The following GPHN variants were observed in gnomAD, a reference collection of about 807,000 sequenced individuals.
GPHN encodes gephyrin.
In GPHN, 17 loss-of-function variants were observed where a neutral mutation model predicts 95.5. The ratio of observed to expected loss-of-function variants is 0.18; its 90% CI spans 0.12 to 0.27. The LOEUF is 0.27. GPHN is among the 10% of genes least tolerant of loss of function. GPHN has a pLI of 1.00. For synonymous variants in GPHN, 320 were observed against 322.5 expected (o/e 0.99, Z 0.08); for missense variants, 660 against 978.1 (o/e 0.67, Z 4.34).
chr14:67,596,566 G>C, the GPHN span, among the ~76,000 whole-genome samples: 1 of 152,120 alleles, frequency 6.6e-6, no homozygotes, highest in African/African-American at 2.4e-5. Flanking sequence ...GCACTGACAA[G>C]ATGCCCTCCT....
At chr14:66,792,178 T>C (rs1280355225) in intron 3 of GPHN, among the ~76,000 whole-genome samples, 1 of 152,126 alleles carries the variant, frequency 6.6e-6, no homozygotes, top group Non-Finnish European at 1.5e-5. Context: ...TCAGTAAGAA[T>C]GTCGTAACTC....
the GPHN span, among the ~76,000 whole-genome samples, chr14:67,619,381 G>A: frequency 6.6e-6 from 1 of 152,172 alleles, no homozygotes; most frequent in Admixed American, 6.5e-5. Flanking sequence ...AAACGTGCCC[G>A]GCTCAGAGAG....
chr14:67,084,308 A>T (rs1320073515), intron 11 of GPHN, among the ~76,000 whole-genome samples: 1 of 152,226 alleles, frequency 6.6e-6, no homozygotes, highest in Non-Finnish European at 1.5e-5. Flanking sequence ...TAGTCTGCTT[A>T]AAAATCCCTT....
At chr14:67,552,766 CAAA>C in the GPHN span, among the ~76,000 whole-genome samples, 6 of 141,504 alleles carry the variant, frequency 4.2e-5, no homozygotes, top group Non-Finnish European at 7.6e-5. Context: ...GACTCTGTCT[CAAA>C]AAAAAAAAAC....
chr14:67,060,384 A>G (rs956050591), intron 11 of GPHN, among the ~76,000 whole-genome samples: 1 of 152,096 alleles, frequency 6.6e-6, no homozygotes, highest in South Asian at 2.1e-4. Context: ...AAGTGTTTCC[A>G]CCTATGATGA....
chr14:67,088,751 A>T (rs1014326943), intron 11 of GPHN, among the ~76,000 whole-genome samples: 8 of 152,218 alleles, frequency 5.3e-5, no homozygotes, highest in Non-Finnish European at 1.2e-4. Context: ...ATAGCACCTC[A>T]TATTCAGATA....
At chr14:67,254,117 T>C in the GPHN span, 2 of 148,184 alleles carry the variant, frequency 1.3e-5, no homozygotes, top group African/African-American at 5.0e-5. Flanking sequence ...ATTTACCAAA[T>C]AGCACTGTAT....
chr14:67,453,571 A>G, the GPHN span, among the ~76,000 whole-genome samples: 2 of 152,310 alleles, frequency 1.3e-5, no homozygotes, highest in South Asian at 4.1e-4. Flanking sequence ...TTTGCCCCCA[A>G]AAGATGCTGA....
At chr14:67,315,476 C>CTAAAATACA in the GPHN span, among the ~76,000 whole-genome samples, 1 of 151,934 alleles carries the variant, frequency 6.6e-6, no homozygotes, top group East Asian at 1.9e-4. Flanking sequence ...TGGGGTTTCA[C>CTAAAATACA]CGTGTTAGCC....
intron 9 of GPHN, among the ~76,000 whole-genome samples, chr14:67,010,325 C>T (rs1384574752): frequency 2.6e-5 from 4 of 151,048 alleles, no homozygotes; most frequent in South Asian, 2.1e-4. Context: ...CTGAGGAGGG[C>T]GGATCACGAG....
chr14:67,573,934 G>C, the GPHN span: 1 of 1,393,786 alleles, frequency 7.2e-7, no homozygotes. The surrounding 1 kb of genome is among the most constrained non-coding windows in gnomAD (Gnocchi z 4.8). Context: ...AGAGGTGCTG[G>C]GTTTGGATAT....
the GPHN span, among the ~76,000 whole-genome samples, chr14:67,551,880 A>C: frequency 6.6e-6 from 1 of 152,152 alleles, no homozygotes; most frequent in Non-Finnish European, 1.5e-5. Flanking sequence ...TGTCTAAAAA[A>C]AAAAAAGAAT....
At chr14:67,514,669 T>A in the GPHN span, among the ~76,000 whole-genome samples, 1 of 152,014 alleles carries the variant, frequency 6.6e-6, no homozygotes, top group African/African-American at 2.4e-5. Flanking sequence ...ACCCAGACTG[T>A]CACCCCCCTC....
intron 2 of GPHN, among the ~76,000 whole-genome samples, chr14:66,707,135 A>G (rs2069151536): frequency 6.6e-6 from 1 of 152,168 alleles, no homozygotes; most frequent in African/African-American, 2.4e-5. Flanking sequence ...GCCAGTCAGA[A>G]TGGCGATTAT....
At chr14:66,579,678 C>T (rs2061073368) in intron 1 of GPHN, among the ~76,000 whole-genome samples, 1 of 151,698 alleles carries the variant, frequency 6.6e-6, no homozygotes, top group Admixed American at 6.6e-5. Context: ...GATATGCACC[C>T]AATATCAGAA....
At chr14:67,203,975 G>C in the GPHN span, among the ~76,000 whole-genome samples, 1 of 152,186 alleles carries the variant, frequency 6.6e-6, no homozygotes, top group Non-Finnish European at 1.5e-5. Context: ...GCCTCCCAAA[G>C]TGCTGGGATT....
the GPHN span, among the ~76,000 whole-genome samples, chr14:67,550,963 T>C: frequency 1.3e-5 from 2 of 152,242 alleles, no homozygotes; most frequent in African/African-American, 4.8e-5. Flanking sequence ...AATGAGTTAA[T>C]GCATGTACAG....
intron 2 of GPHN, among the ~76,000 whole-genome samples, chr14:66,724,223 T>A (rs1174904801): frequency 6.6e-6 from 1 of 152,122 alleles, no homozygotes; most frequent in Non-Finnish European, 1.5e-5. Context: ...TTCACCAATA[T>A]TTGGGGAGGG....
the GPHN span, among the ~76,000 whole-genome samples, chr14:67,230,124 A>G: frequency 6.6e-6 from 1 of 152,182 alleles, no homozygotes. Context: ...ACTTTTGTTC[A>G]CTTGGGGGGA....
Sources: gnomAD v4.1 joint callset for allele counts (sites outside exome capture counted in the v4.1 genomes callset) on GRCh38, gnomAD v4.1.1 for gene constraint, Gnocchi (gnomAD v3.1) non-coding constraint, MANE v1.5 for transcripts, NCBI Gene and HGNC (gene_info 2026-07-23, HGNC 2026-07-21) for gene names.